Variants in COG5 observed in about 807,000 individuals in gnomAD.
COG5 encodes the protein component of oligomeric golgi complex 5.
A neutral mutation model predicts 110.4 loss-of-function variants in COG5; 86 were observed. That is an observed-to-expected ratio of 0.78 (90% confidence interval 0.65 to 0.93). COG5 has a LOEUF of 0.93. COG5 is among the 40% of genes least tolerant of loss of function. The probability of loss-of-function intolerance (pLI) is 0.00; values close to 1 mark genes in which losing one functional copy is unlikely to be tolerated. For synonymous variants in COG5, 360 were observed against 334.6 expected (o/e 1.08, Z -0.83); for missense variants, 1,077 against 987.0 (o/e 1.09, Z -1.22).
intron 14 of COG5, among the ~76,000 whole-genome samples, chr7:107,262,300 T>C (rs1803419220): frequency 6.6e-6 from 1 of 152,180 alleles, no homozygotes; most frequent in Non-Finnish European, 1.5e-5. Flanking sequence ...TTTATTTCCT[T>C]CCTTTCTGGA....
At chr7:107,320,512 A>G (rs989552605) in intron 11 of COG5, among the ~76,000 whole-genome samples, 1 of 152,224 alleles carries the variant, frequency 6.6e-6, no homozygotes, top group African/African-American at 2.4e-5. Context: ...TCTAAACATC[A>G]GCAACACTAA....
chr7:107,529,307 T>G (rs1239302635), intron 5 of COG5, among the ~76,000 whole-genome samples: 1 of 152,098 alleles, frequency 6.6e-6, no homozygotes, highest in South Asian at 2.1e-4. Flanking sequence ...GGAACGTCGG[T>G]TGATGATTTG....
chr7:107,278,159 A>T (rs997447167), intron 14 of COG5, among the ~76,000 whole-genome samples: 1 of 152,180 alleles, frequency 6.6e-6, no homozygotes, highest in African/African-American at 2.4e-5. Flanking sequence ...CTTTCTGAAA[A>T]CATGCTTATC....
chr7:107,215,415 C>G (rs1013537998), intron 19 of COG5, among the ~76,000 whole-genome samples: 5 of 152,092 alleles, frequency 3.3e-5, no homozygotes, highest in African/African-American at 1.2e-4. Context: ...CGCCTGTAAT[C>G]CCAGCACTTT....
At chr7:107,493,652 AG>A (rs1563065228) in intron 6 of COG5, among the ~76,000 whole-genome samples, 1 of 152,198 alleles carries the variant, frequency 6.6e-6, no homozygotes, top group Non-Finnish European at 1.5e-5. Flanking sequence ...TGGAAGACAC[AG>A]GCTTAGATGA....
At chr7:107,372,967 T>G (rs1814315174) in intron 7 of COG5, among the ~76,000 whole-genome samples, 1 of 152,190 alleles carries the variant, frequency 6.6e-6, no homozygotes, top group Admixed American at 6.5e-5. Context: ...AGTTAAATAC[T>G]ATGTATATTA....
rs577457702 is a variant in COG5 at position 107,476,105 on chromosome 7, A to C, written c.538+51132T>G. ...AAACTAAAGGGAAGGAAGAATACTA[A>C]AACACCAGCCTCTTTCTTCCTTCCT... On this transcript the variant is annotated intron_variant, in intron 6 of 21. Transcript: ENST00000297135. Among the ~76,000 whole-genome samples the C allele has an allele frequency of 5.4e-5, 8 of 148,148 alleles. No individual in the cohort carries two copies. In the East Asian group the frequency reaches 1.6e-3, roughly 30 times the overall value.
chr7:107,467,675 A>G (rs543906567), intron 6 of COG5, among the ~76,000 whole-genome samples: 45 of 152,318 alleles, frequency 3.0e-4, no homozygotes, highest in Middle Eastern at 3.4e-3. Flanking sequence ...TTTCATGAAA[A>G]TAATATAATC....
intron 8 of COG5, 81 bp from the exon 9 acceptor site, chr7:107,362,501 T>A: frequency 1.2e-6 from 1 of 844,738 alleles, no homozygotes; most frequent in Non-Finnish European, 1.9e-6. Context: ...ATAAAAACCA[T>A]ACGCAAGCTA....
chr7:107,279,941 C>T (rs950408691), intron 14 of COG5, among the ~76,000 whole-genome samples: 4 of 152,060 alleles, frequency 2.6e-5, no homozygotes, highest in Non-Finnish European at 5.9e-5. Flanking sequence ...ACTATGTTAA[C>T]TGAAGTACAT....
intron 11 of COG5, among the ~76,000 whole-genome samples, chr7:107,315,587 A>T (rs1393438743): frequency 6.6e-6 from 1 of 151,604 alleles, no homozygotes; most frequent in Admixed American, 6.6e-5. Context: ...TTAACTAAGC[A>T]TGAACATGTA....
chr7:107,507,766 G>T (rs960683514), intron 6 of COG5, among the ~76,000 whole-genome samples: 5 of 152,050 alleles, frequency 3.3e-5, no homozygotes, highest in Admixed American at 1.3e-4. Context: ...TATAAGTATT[G>T]TTTTATCAGA....
chr7:107,405,585 A>G (rs2129062848), intron 7 of COG5, among the ~76,000 whole-genome samples: 1 of 152,368 alleles, frequency 6.6e-6, no homozygotes, highest in Middle Eastern at 3.4e-3. Flanking sequence ...ACAAACACAA[A>G]TATCAATTTA....
intron 14 of COG5, among the ~76,000 whole-genome samples, chr7:107,263,014 C>G (rs989299322): frequency 1.5e-4 from 23 of 152,164 alleles, no homozygotes; most frequent in African/African-American, 5.3e-4. Context: ...GTTCCTTCCC[C>G]CAACCTCTAG....
At chr7:107,275,453 C>G (rs1406250164) in intron 14 of COG5, among the ~76,000 whole-genome samples, 1 of 145,368 alleles carries the variant, frequency 6.9e-6, no homozygotes, top group Non-Finnish European at 1.5e-5. Flanking sequence ...TGCCTTTGAT[C>G]TTTTTTTTTT....
At chr7:107,331,858 T>C (rs1366584132) in intron 10 of COG5, among the ~76,000 whole-genome samples, 9 of 139,954 alleles carry the variant, frequency 6.4e-5, no homozygotes, top group Admixed American at 5.0e-4. Context: ...TTTTTTTTTT[T>C]TGAGATGGAG....
chr7:107,451,573 T>G (rs750247452), intron 6 of COG5, among the ~76,000 whole-genome samples: 1 of 152,128 alleles, frequency 6.6e-6, no homozygotes, highest in African/African-American at 2.4e-5. Flanking sequence ...CTTTCCTGCC[T>G]ACTCTTCTAC....
chr7:107,401,898 T>C (rs1470671933), intron 7 of COG5, among the ~76,000 whole-genome samples: 3 of 152,232 alleles, frequency 2.0e-5, no homozygotes, highest in Non-Finnish European at 2.9e-5. Flanking sequence ...AAGGAATCAC[T>C]GTGTTCAACT....
rs558207213 is a variant in COG5 at position 107,481,053 on chromosome 7, A to G, written c.538+46184T>C. The G allele has an allele frequency of 2.0e-5, 3 of 152,264 alleles. No individual in the cohort carries two copies. In the South Asian group the frequency reaches 6.2e-4, roughly 32 times the overall value. 9.4% of individuals were successfully genotyped at this position (152,264 alleles called of 1,614,324 possible). A position where few individuals can be genotyped will look rare whatever the true frequency, so the allele number is the denominator to read the frequency against. On this transcript the variant is annotated intron_variant, in intron 6 of 21. Transcript: ENST00000297135. ...TGTACTTGCACCAGCAAGTGGTAAA[A>G]TGTGCTGTCATTCCTGTCACTGACA...
Sources: allele counts gnomAD v4.1 joint callset (sites outside exome capture counted in the v4.1 genomes callset), GRCh38; gene constraint gnomAD v4.1.1; transcripts MANE v1.5; gene names NCBI Gene and HGNC (gene_info 2026-07-23, HGNC 2026-07-21).